The following ZNF133 variants were observed in gnomAD, a reference collection of about 807,000 sequenced individuals.
ZNF133 encodes the protein zinc finger protein 133 (clone pHZ-13).
ZNF133 carries 26 observed loss-of-function variants against 54.9 expected under a neutral mutation model. That is an observed-to-expected ratio of 0.47 (90% CI 0.35 to 0.66). The LOEUF (loss-of-function observed/expected upper bound fraction) is 0.66. ZNF133 is among the 30% of genes least tolerant of loss of function. The probability of loss-of-function intolerance (pLI) is 0.01; values close to 1 mark genes in which losing one functional copy is unlikely to be tolerated. For missense variants in ZNF133, 653 were observed against 820.8 expected, an observed-to-expected ratio of 0.80 and a Z score of 2.50; for synonymous variants, 298 against 320.3, an observed-to-expected ratio of 0.93 and a Z score of 0.74.
Position 18,315,650 on chromosome 20 carries a change from G to C in ZNF133, c.799G>C (p.Glu267Gln). The C allele has an allele frequency of 6.2e-7, 1 of 1,614,118 alleles. No homozygotes were observed. The highest frequency in any genetic ancestry group is 8.5e-7 in the Non-Finnish European group (1 of 1,179,990). The change falls in exon 7 of 7, where the codon GAG becomes CAG. Residue 267 changes from glutamate (E) to glutamine (Q), a missense_variant. Coordinates refer to ENST00000425686, the MANE Select transcript of ZNF133 (RefSeq NM_001352452.2). ...LARHQKAHSG[E>Q]KPIVCRECGR... ...CAGACACCAGAAGGCACACTCGGGG[G>C]AGAAGCCAATTGTGTGCAGGGAGTG...
chr20:18,306,401 G>A lies in ZNF133; in HGVS notation c.217+8G>A. ...CACCGGCAACCTGTCCAGGTGAGTG[G>A]GAAAACACTGGACAAATGAGACATG... On this transcript the variant is annotated splice_region_variant and intron_variant, in intron 6 of 6. Coordinates refer to ENST00000425686, the MANE Select transcript of ZNF133 (RefSeq NM_001352452.2). The A allele has an allele frequency of 1.2e-6, 2 of 1,610,602 alleles. No individual in the cohort carries two copies. Among genetic ancestry groups the A allele is most frequent in the Non-Finnish European group, 8.5e-7 (1 of 1,177,822 alleles).
rs531123881 is a variant in ZNF133 at position 18,297,334 on chromosome 20, CTTTGA to C, written c.-431-647_-431-643del. On this transcript the variant is annotated intron_variant, in intron 1 of 6. Coordinates refer to ENST00000425686, the MANE Select transcript of ZNF133 (RefSeq NM_001352452.2). Reference sequence around the variant, plus strand: ...ATTTATCATATAATATTGTCTTTTTCTTTGATTTCTTTCAAAAGTTTGTTGAAATC... The same window carrying C: ...ATTTATCATATAATATTGTCTTTTTCTTTCTTTCAAAAGTTTGTTGAAATC... Among the ~76,000 whole-genome samples the C allele has an allele frequency of 7.8e-4, 118 of 151,890 alleles. No individual in the cohort carries two copies. The South Asian group carries it at 0.015, about 19-fold the overall frequency.
rs776293602 is a variant in ZNF133 at position 18,316,584 on chromosome 20, G to A, written c.1733G>A (p.Cys578Tyr). The A allele has an allele frequency of 5.0e-6, 8 of 1,613,876 alleles. No individual in the cohort carries two copies. The African/African-American group carries it at 1.1e-4, about 22-fold the overall frequency. The change falls in exon 7 of 7, where the codon TGT becomes TAT. Residue 578 changes from cysteine to tyrosine, a missense_variant. Physicochemically the swap from Cys to Tyr is radical, Grantham distance 194 (BLOSUM62 -2). This residue lies in a region of ZNF133 where 129 missense variants were observed against 138.5 expected (regional missense o/e 0.93). Coordinates refer to ENST00000425686, the MANE Select transcript of ZNF133 (RefSeq NM_001352452.2). ...HKRAHSEEKP[C>Y]VCRECGQGFL... The stretch of plus-strand genomic sequence containing the variant: ...CGGGCTCACTCGGAAGAGAAGCCTT[G>A]TGTGTGCAGAGAGTGTGGCCAAGGC...
In ZNF133 at chr20:18,316,144, A is replaced by G. The variant is rs2147972783; in HGVS notation, c.1293A>G (p.Thr431=). The part of the protein sequence containing the change: ...QNSTLISHRR[T]HTGEKPYVCG... The stretch of plus-strand genomic sequence containing the variant: ...CAACCCTCATCTCTCACAGGCGGAC[A>G]CACACTGGGGAGAAGCCGTATGTTT... Residue 431 remains threonine, a synonymous_variant, in exon 7 of 7, where the codon ACA becomes ACG. Transcript: ENST00000425686. 1 of 1,612,270 alleles carries G rather than the reference A, an allele frequency of 6.2e-7. No homozygotes were observed. Among genetic ancestry groups the G allele is most frequent in the Admixed American group, 1.7e-5 (1 of 59,930 alleles).
chr20:18,306,532 G>C (rs1343241669), intron 6 of ZNF133, 139 bp downstream of exon 6: 4 of 944,938 alleles, frequency 4.2e-6, no homozygotes, highest in Non-Finnish European at 6.3e-6. Flanking sequence ...GCCTGACACG[G>C]CCTCCCTTCC....
At chr20:18,307,015 A>G (rs1390937564) in intron 6 of ZNF133, among the ~76,000 whole-genome samples, 1 of 151,598 alleles carries the variant, frequency 6.6e-6, no homozygotes, top group East Asian at 1.9e-4. Context: ...TGGGTAAAAT[A>G]TAAAATGTAA....
At chr20:18,296,720 T>C (rs2042302085) in intron 1 of ZNF133, among the ~76,000 whole-genome samples, 1 of 152,210 alleles carries the variant, frequency 6.6e-6, no homozygotes, top group Admixed American at 6.5e-5. Context: ...ACAATGCTGG[T>C]ATGAACATGA....
At chr20:18,296,810 T>G (rs2147066068) in intron 1 of ZNF133, among the ~76,000 whole-genome samples, 1 of 152,350 alleles carries the variant, frequency 6.6e-6, no homozygotes, top group Middle Eastern at 3.4e-3. Context: ...AATCACATAA[T>G]AATTGTATTT....
Position 18,315,092 on chromosome 20 carries a change from C to G in ZNF133, c.241C>G (p.Leu81Val). Residue 81 changes from leucine to valine, a missense_variant, in exon 7 of 7, where the codon CTC becomes GTC. By Grantham distance (32) the Leu-to-Val change is conservative. Around this residue, in one of 4 missense-constraint regions of ZNF133, gnomAD observed 227 missense variants for 233.9 expected, o/e 0.97. Transcript: ENST00000425686. Reference sequence around the variant, plus strand: ...AGCAGATCCAGAGCCAGAGCTCTACCTCGATCCTTTCTGCCCTCCGGGTTT... The same window carrying G: ...AGCAGATCCAGAGCCAGAGCTCTACGTCGATCCTTTCTGCCCTCCGGGTTT... Reference protein sequence around the residue: ...CPADPEPELYLDPFCPPGFSS... With the variant: ...CPADPEPELYVDPFCPPGFSS... The G allele has an allele frequency of 6.5e-7, 1 of 1,547,424 alleles. No individual in the cohort carries two copies. Among genetic ancestry groups the G allele is most frequent in the Non-Finnish European group, 8.7e-7 (1 of 1,147,454 alleles).
intron 6 of ZNF133, among the ~76,000 whole-genome samples, chr20:18,310,924 C>T (rs1024087287): frequency 6.6e-6 from 1 of 151,908 alleles, no homozygotes; most frequent in Non-Finnish European, 1.5e-5. Context: ...CAGGAGTTAC[C>T]ATAATTATGA....
At chr20:18,298,103 G>C (rs1352312411) in intron 2 of ZNF133, 41 bp downstream of exon 2, 1 of 1,535,172 alleles carries the variant, frequency 6.5e-7, no homozygotes, top group Non-Finnish European at 8.7e-7. Flanking sequence ...TAACAGGATG[G>C]ACACATTCCC....
chr20:18,315,310 T>C lies in ZNF133; in HGVS notation c.459T>C (p.Pro153=). 6.2e-7 allele frequency: 1 copy of C among 1,614,008 alleles called. No individual in the cohort carries two copies. Among genetic ancestry groups the C allele is most frequent in the Non-Finnish European group, 8.5e-7 (1 of 1,180,004 alleles). The stretch of plus-strand genomic sequence containing the variant: ...GTCCTGAGGGAGAAGGTGCCATGCC[T>C]TTGTTTGGAAGAACCAAGAAAAGGA... ...AEGPEGEGAM[P]LFGRTKKRTL... Residue 153 remains proline, a synonymous_variant, in exon 7 of 7, where the codon CCT becomes CCC. Transcript: ENST00000425686.
chr20:18,315,540 T>G lies in ZNF133; in HGVS notation c.689T>G (p.Leu230Arg). Residue 230 changes from leucine to arginine, a missense_variant, in exon 7 of 7, where the codon CTC (leucine) becomes CGC (arginine). Transcript: ENST00000425686. ...GLSFSKMTNL[L>R]SHQRIHSGEK... ...AGCTTCAGCAAGATGACAAACCTGC[T>G]CAGTCACCAGCGGATACACTCAGGG... The G allele has an allele frequency of 6.2e-7, 1 of 1,614,134 alleles. No individual in the cohort carries two copies. The highest frequency in any genetic ancestry group is 1.3e-5 in the African/African-American group (1 of 75,020).
intron 1 of ZNF133, among the ~76,000 whole-genome samples, chr20:18,293,129 T>C (rs2103757): frequency 0.31 from 47,632 of 152,118 alleles, 8,965 homozygotes; most frequent in East Asian, 0.64. Context: ...GGTTATTGAC[T>C]GCTACACAAC....
intron 6 of ZNF133, chr20:18,306,702 AAAG>A: frequency 7.4e-7 from 1 of 1,347,550 alleles, no homozygotes; most frequent in Non-Finnish European, 9.8e-7. Context: ...TGTTTTTTAA[AAAG>A]ATCATCAAGA....
At chr20:18,297,850 T>C in intron 1 of ZNF133, 135 bp from the exon 2 acceptor site, 1 of 589,188 alleles carries the variant, frequency 1.7e-6, no homozygotes, top group Middle Eastern at 3.2e-4. Context: ...TTCCAAGCAG[T>C]ATCTTTTCCT....
Position 18,315,430 on chromosome 20 carries a change from A to T in ZNF133, c.579A>T (p.Ser193=). The change falls in exon 7 of 7, where the codon TCA becomes TCT. Residue 193 remains serine, a synonymous_variant. Coordinates refer to ENST00000425686, the MANE Select transcript of ZNF133 (RefSeq NM_001352452.2). Reference sequence around the variant, plus strand: ...AGTTAGAAGCCAGCCCAGCTCAGTCAGGGAACCCTGAGGAAACAGACAAAT... The same window carrying T: ...AGTTAGAAGCCAGCCCAGCTCAGTCTGGGAACCCTGAGGAAACAGACAAAT... ...GVELEASPAQ[S]GNPEETDKLL... The T allele has an allele frequency of 6.2e-7, 1 of 1,614,210 alleles. No individual in the cohort carries two copies. Among genetic ancestry groups the T allele is most frequent in the Non-Finnish European group, 8.5e-7 (1 of 1,180,036 alleles).
At chr20:18,312,207 G>A (rs964202921) in intron 6 of ZNF133, among the ~76,000 whole-genome samples, 8 of 152,190 alleles carry the variant, frequency 5.3e-5, no homozygotes, top group Non-Finnish European at 8.8e-5. Context: ...TTTTGACTAT[G>A]ACCTGTCACA....
intron 1 of ZNF133, among the ~76,000 whole-genome samples, chr20:18,294,683 G>T (rs2146963648): frequency 6.6e-6 from 1 of 152,148 alleles, no homozygotes; most frequent in Middle Eastern, 3.4e-3. Flanking sequence ...TTGAAGAAGG[G>T]GTGTTGAGTT....
Sources: allele counts gnomAD v4.1 joint callset (sites outside exome capture counted in the v4.1 genomes callset), GRCh38; gene constraint gnomAD v4.1.1; regional missense constraint gnomAD v4.1.1; transcripts MANE v1.5; gene names NCBI Gene and HGNC (gene_info 2026-07-23, HGNC 2026-07-21).